The following DLC1 variants were observed in gnomAD, a reference collection of about 807,000 sequenced individuals.
The protein encoded by DLC1 is rho GTPase-activating protein 7.
A neutral mutation model predicts 140.3 loss-of-function variants in DLC1; 54 were observed. The ratio of observed to expected loss-of-function variants is 0.38; its 90% CI spans 0.31 to 0.48. The LOEUF (loss-of-function observed/expected upper bound fraction) is 0.48. DLC1 is among the 20% of genes least tolerant of loss of function. DLC1 has a pLI of 0.96. For synonymous variants in DLC1, 986 were observed against 728.1 expected (o/e 1.35, Z -5.70); for missense variants, 2,536 against 1,907.0 (o/e 1.33, Z -6.14).
chr8:13,538,380 A>C (rs952199334), intron 1 of DLC1, among the ~76,000 whole-genome samples: 5 of 151,576 alleles, frequency 3.3e-5, no homozygotes, highest in Middle Eastern at 3.4e-3. Context: ...AAAAAAAAAA[A>C]CAGCATCTCG....
intron 1 of DLC1, among the ~76,000 whole-genome samples, chr8:13,563,149 G>A (rs1804301865): frequency 6.6e-6 from 1 of 152,154 alleles, no homozygotes; most frequent in Non-Finnish European, 1.5e-5. Context: ...TACTTCGGAA[G>A]TGTTAGGAAG....
chr8:13,555,994 A>G (rs1165592333), intron 1 of DLC1, among the ~76,000 whole-genome samples: 1 of 152,150 alleles, frequency 6.6e-6, no homozygotes, highest in African/African-American at 2.4e-5. Context: ...GGAGTTCTAG[A>G]TGGCTGGTAT....
chr8:13,256,803 T>C (rs1003819852), intron 5 of DLC1, among the ~76,000 whole-genome samples: 8 of 148,862 alleles, frequency 5.4e-5, no homozygotes, highest in Non-Finnish European at 1.2e-4. Flanking sequence ...GATGGGTTGA[T>C]GGGTGCAGCA....
intron 4 of DLC1, among the ~76,000 whole-genome samples, chr8:13,370,485 A>G (rs1237784625): frequency 6.6e-6 from 1 of 151,968 alleles, no homozygotes; most frequent in Non-Finnish European, 1.5e-5. Context: ...ACTCCAGGGC[A>G]GACTTCTTCT....
At chr8:13,522,129 T>A (rs13270223) in intron 1 of DLC1, among the ~76,000 whole-genome samples, 2 of 152,038 alleles carry the variant, frequency 1.3e-5, no homozygotes, top group Admixed American at 1.3e-4. Flanking sequence ...AAAGGTGGGA[T>A]GAGAATGTTT....
intron 10 of DLC1, 105 bp from the exon 11 acceptor site, chr8:13,095,350 T>G (rs1818423321): frequency 1.4e-6 from 2 of 1,379,862 alleles, no homozygotes. Flanking sequence ...AGATCTGTGC[T>G]AATACGGTGG....
intron 5 of DLC1, among the ~76,000 whole-genome samples, chr8:13,200,796 C>T (rs979751143): frequency 1.3e-5 from 2 of 152,068 alleles, no homozygotes; most frequent in Admixed American, 6.6e-5. Context: ...TGGGGACTCA[C>T]TATGCTGCCC....
intron 5 of DLC1, among the ~76,000 whole-genome samples, chr8:13,169,871 C>T (rs559802666): frequency 1.4e-5 from 2 of 147,774 alleles, no homozygotes; most frequent in African/African-American, 5.0e-5. Flanking sequence ...AAAAAAAAAG[C>T]CAGATGCGGT....
At chr8:13,218,897 TAATTACATACGAA>T (rs2117141399) in intron 5 of DLC1, among the ~76,000 whole-genome samples, 1 of 129,956 alleles carries the variant, frequency 7.7e-6, no homozygotes, top group African/African-American at 3.0e-5. Context: ...TGAATATATA[TAATTACATACGAA>T]TATATAATTA....
chr8:13,531,685 C>T (rs1423908387), intron 1 of DLC1, among the ~76,000 whole-genome samples: 2 of 152,136 alleles, frequency 1.3e-5, no homozygotes, highest in East Asian at 1.9e-4. Flanking sequence ...TATTTCTTCT[C>T]TCTTGCTAAT....
chr8:13,586,417 C>T (rs1263354467), intron 1 of DLC1, among the ~76,000 whole-genome samples: 4 of 152,022 alleles, frequency 2.6e-5, no homozygotes, highest in Admixed American at 6.6e-5. Context: ...ATGGCTCATA[C>T]GTTCTCATTA....
intron 14 of DLC1, 71 bp downstream of exon 14, chr8:13,091,247 G>T: frequency 6.8e-7 from 1 of 1,478,312 alleles, no homozygotes; most frequent in Non-Finnish European, 9.4e-7. Context: ...ACATGAACAA[G>T]GGTCAAGCCT....
intron 1 of DLC1, among the ~76,000 whole-genome samples, chr8:13,534,977 T>C (rs888043604): frequency 2.0e-5 from 3 of 152,170 alleles, no homozygotes; most frequent in South Asian, 2.1e-4. Context: ...TGCTGAGGTA[T>C]AGGAGAATCC....
intron 1 of DLC1, among the ~76,000 whole-genome samples, chr8:13,557,397 A>G (rs1231844748): frequency 6.6e-6 from 1 of 152,142 alleles, no homozygotes; most frequent in East Asian, 1.9e-4. Context: ...GAAAGGAAGT[A>G]AAGGATGTGA....
chr8:13,365,596 T>C (rs1179266730), intron 4 of DLC1, among the ~76,000 whole-genome samples: 1 of 152,178 alleles, frequency 6.6e-6, no homozygotes. Context: ...CCTTGCTTAA[T>C]GAAGCACTTA....
rs1295811984 is a variant in DLC1, at chr8:13,499,078, C to T, written c.994G>A (p.Asp332Asn). The T allele has an allele frequency of 3.7e-6, 6 of 1,612,822 alleles. No individual in the cohort carries two copies. Among genetic ancestry groups the T allele is most frequent in the East Asian group, 2.2e-5 (1 of 44,888 alleles). Reference protein sequence around the residue: ...KETLATQEPTDNQVRLRKRKE... With the variant: ...KETLATQEPTNNQVRLRKRKE... Reference sequence around the variant, plus strand: ...CTCTTACGAAGTCTGACTTGGTTATCTGTGGGTTCCTGGGTGGCCAGGGTC... The same window carrying T: ...CTCTTACGAAGTCTGACTTGGTTATTTGTGGGTTCCTGGGTGGCCAGGGTC... Residue 332 changes from aspartate (D) to asparagine (N), a missense_variant, in exon 2 of 18, where the codon GAT becomes AAT. Transcript: ENST00000276297.
At chr8:13,479,832 G>GAAAGAAAGAAAGAAAGAAAAAAA (rs1563383439) in intron 2 of DLC1, among the ~76,000 whole-genome samples, 1 of 20,080 alleles carries the variant, frequency 5.0e-5, no homozygotes, top group African/African-American at 1.1e-4. Flanking sequence ...AGAAGAAGAA[G>GAAAGAAAGAAAGAAAGAAAAAAA]AAGAAGAAGA....
intron 5 of DLC1, among the ~76,000 whole-genome samples, chr8:13,262,213 TAGAG>T (rs1307078890): frequency 9.2e-5 from 14 of 152,046 alleles, no homozygotes; most frequent in Non-Finnish European, 1.9e-4. Flanking sequence ...GGGTAATTAT[TAGAG>T]AGAAGTTCTA....
At chr8:13,400,598 A>G (rs981730936) in intron 3 of DLC1, among the ~76,000 whole-genome samples, 5 of 152,214 alleles carry the variant, frequency 3.3e-5, no homozygotes, top group African/African-American at 1.2e-4. Context: ...AAGAATTTGT[A>G]TCAAATAATT....
Sources: gnomAD v4.1 joint callset for allele counts (sites outside exome capture counted in the v4.1 genomes callset) on GRCh38, gnomAD v4.1.1 for gene constraint, MANE v1.5 for transcripts, NCBI Gene and HGNC (gene_info 2026-07-23, HGNC 2026-07-21) for gene names.